The following SALL3 variants were observed in gnomAD, a reference collection of about 807,000 sequenced individuals.
The protein encoded by SALL3 is sal-like protein 3.
In SALL3, 25 loss-of-function variants were observed where a neutral mutation model predicts 66.2. The ratio of observed to expected loss-of-function variants is 0.38; its 90% CI spans 0.28 to 0.53. The LOEUF (loss-of-function observed/expected upper bound fraction) is 0.53. Ranked by LOEUF, SALL3 falls within the 20% of genes least tolerant of loss-of-function variation. The pLI, the probability that SALL3 is intolerant of heterozygous loss-of-function variation, is 0.85. For synonymous variants in SALL3, 1,152 were observed against 899.1 expected (o/e 1.28, Z -5.03); for missense variants, 2,194 against 1,916.5 (o/e 1.14, Z -2.70).
chr18:78,996,139 A>G (rs1419356471), intron 2 of SALL3, among the ~76,000 whole-genome samples: 1 of 152,216 alleles, frequency 6.6e-6, no homozygotes, highest in Non-Finnish European at 1.5e-5. Context: ...CTGGGTGAGA[A>G]GCTCCTGGCG....
At chr18:78,983,513 G>A (rs1273334200) in intron 1 of SALL3, among the ~76,000 whole-genome samples, 2 of 152,022 alleles carry the variant, frequency 1.3e-5, no homozygotes, top group Non-Finnish European at 2.9e-5. Context: ...TTGCTTCAAA[G>A]TGTGTTTTTT....
At position 78,992,805 on chromosome 18, in the gene SALL3, G is replaced by A. The variant is rs1914500378; in HGVS notation, c.814G>A (p.Ala272Thr). Residue 272 changes from alanine to threonine, a missense_variant, in exon 2 of 3, where the codon GCC becomes ACC. By Grantham distance (58) the Ala-to-Thr change is moderately conservative. Transcript: ENST00000537592. ...GCTCCCGCTGTCGGCCGGGGCCCCTGCCGCCGCCATCGCGGGCTCGGGCCC... is the reference window on the plus strand; with the variant it reads ...GCTCCCGCTGTCGGCCGGGGCCCCTACCGCCGCCATCGCGGGCTCGGGCCC... ...AALPLSAGAP[A>T]AAIAGSGPAA... 16 of 981,338 alleles carry A rather than the reference G, an allele frequency of 1.6e-5. 1 individual carries two copies. In the South Asian group the frequency reaches 5.6e-4, roughly 34 times the overall value. The allele number at this position is 981,338 out of a possible 1,614,324, so 60.8% of individuals were successfully genotyped here. A position where few individuals can be genotyped will look rare whatever the true frequency, so the allele number is the denominator to read the frequency against.
intron 1 of SALL3, among the ~76,000 whole-genome samples, chr18:78,980,981 G>GCCTGGC (rs1404359105): frequency 6.6e-6 from 1 of 152,200 alleles, no homozygotes; most frequent in Non-Finnish European, 1.5e-5. Flanking sequence ...GGCGGCCTGG[G>GCCTGGC]CCTGGCCCCT....
At chr18:78,995,669 C>T (rs1315554583) in intron 2 of SALL3, among the ~76,000 whole-genome samples, 1 of 148,742 alleles carries the variant, frequency 6.7e-6, no homozygotes, top group Non-Finnish European at 1.5e-5. Context: ...GGGTGAGTAG[C>T]GTGTACCTAT....
intron 1 of SALL3, among the ~76,000 whole-genome samples, chr18:78,983,350 T>C (rs1362028661): frequency 6.6e-6 from 1 of 152,232 alleles, no homozygotes; most frequent in Non-Finnish European, 1.5e-5. Flanking sequence ...CTAAGAACTT[T>C]AAAAGATACA....
At chr18:78,986,457 C>T (rs1434404076) in intron 1 of SALL3, among the ~76,000 whole-genome samples, 2 of 152,210 alleles carry the variant, frequency 1.3e-5, no homozygotes, top group African/African-American at 4.8e-5. Context: ...CATTGTTAAA[C>T]ACAGTAGGGG....
intron 1 of SALL3, among the ~76,000 whole-genome samples, chr18:78,980,697 C>G (rs1480920685): frequency 7.0e-6 from 1 of 142,260 alleles, no homozygotes; most frequent in African/African-American, 2.6e-5. Flanking sequence ...GCGCCGCCCC[C>G]CAGGGTCTCT....
chr18:78,991,012 C>A (rs1914413534), intron 1 of SALL3, among the ~76,000 whole-genome samples: 1 of 152,120 alleles, frequency 6.6e-6, no homozygotes, highest in Admixed American at 6.5e-5. Flanking sequence ...GAAGTGGCTG[C>A]CTACAACAGT....
rs1178185252 is a variant in SALL3 at position 78,992,551 on chromosome 18, C to T, written c.560C>T (p.Ala187Val). ...AVAQFSQGAR[A>V]AGGSGAGGGV... ...GCGCAGTTCTCGCAGGGCGCGCGCG[C>T]GGCAGGCGGCTCGGGAGCAGGTGGA... is the stretch of plus-strand genomic sequence containing the variant. The change falls in exon 2 of 3, where the codon GCG becomes GTG. Residue 187 changes from alanine (A) to valine (V), a missense_variant. By Grantham distance (64) the Ala-to-Val change is moderately conservative. Transcript: ENST00000537592. 16 of 1,498,284 alleles carry T rather than the reference C, an allele frequency of 1.1e-5. No individual in the cohort carries two copies. The highest frequency in any genetic ancestry group is 2.1e-5 in the Admixed American group (1 of 48,516). 92.8% of individuals were successfully genotyped at this position (1,498,284 alleles called of 1,614,324 possible).
At position 78,993,667 on chromosome 18, in the gene SALL3, C is replaced by T. The variant is rs1356951346; in HGVS notation, c.1676C>T (p.Ala559Val). 6.3e-7 allele frequency: 1 copy of T among 1,588,416 alleles called. No homozygotes were observed. Among genetic ancestry groups the T allele is most frequent in the Admixed American group, 1.7e-5 (1 of 58,950 alleles). Residue 559 changes from alanine to valine, a missense_variant, in exon 2 of 3, where the codon GCC becomes GTC. Coordinates refer to ENST00000537592, the MANE Select transcript of SALL3 (RefSeq NM_171999.4). ...ASRSPQRPSPASSECASLSPG... is the reference protein window; with the variant it reads ...ASRSPQRPSPVSSECASLSPG... ...CGCTCCCCGCAGAGGCCCTCGCCCG[C>T]CTCCAGCGAGTGCGCCTCCTTGTCC...
At chr18:78,985,709 A>G (rs1914225196) in intron 1 of SALL3, among the ~76,000 whole-genome samples, 1 of 152,212 alleles carries the variant, frequency 6.6e-6, no homozygotes, top group Non-Finnish European at 1.5e-5. Flanking sequence ...GTGCCCCTCT[A>G]GAGCTATTTA....
chr18:78,992,443 C>T lies in SALL3; in HGVS notation c.452C>T (p.Ala151Val), dbSNP rs1258136794. ...CGCGCGCCCCGGCCCCCGCCTGCGG[C>T]CCCTGCACCCCCAACGCCCGCCTAC... ...DTRAPRPPPA[A>V]PAPPTPAYGA... The change falls in exon 2 of 3, where the codon GCC (alanine) becomes GTC (valine). Residue 151 changes from alanine to valine, a missense_variant. Physicochemically the swap from Ala to Val is moderately conservative, Grantham distance 64. Transcript: ENST00000537592. The T allele has an allele frequency of 5.0e-5, 70 of 1,400,536 alleles. No homozygotes were observed. The highest frequency in any genetic ancestry group is 6.3e-5 in the Non-Finnish European group (68 of 1,084,344). The allele number at this position is 1,400,536 out of a possible 1,614,324, so 86.8% of individuals were successfully genotyped here.
In SALL3 at chr18:78,979,869, A is replaced by C. The variant is rs1338950574; in HGVS notation, c.-406A>C. ...AAAGTTTGCTGCCTGCGCCCTGCGGAGGGACGGCCACCGCGGCCCGCGCCG... is the reference window on the plus strand; with the variant it reads ...AAAGTTTGCTGCCTGCGCCCTGCGGCGGGACGGCCACCGCGGCCCGCGCCG... On this transcript the variant is annotated 5_prime_UTR_variant, in exon 1 of 3. Transcript: ENST00000537592. Among the ~76,000 whole-genome samples, 3 of 142,482 alleles carry C rather than the reference A, an allele frequency of 2.1e-5. No individual in the cohort carries two copies. The highest frequency in any genetic ancestry group is 3.1e-5 in the Non-Finnish European group (2 of 64,586). 93.5% of individuals were successfully genotyped at this position (142,482 alleles called of 152,430 possible).
intron 1 of SALL3, among the ~76,000 whole-genome samples, chr18:78,984,251 A>G (rs1055500478): frequency 7.9e-5 from 12 of 152,232 alleles, no homozygotes; most frequent in East Asian, 1.9e-4. Context: ...CAGCAAAAGC[A>G]CAACCAGGGT....
intron 1 of SALL3, among the ~76,000 whole-genome samples, chr18:78,988,578 G>C (rs1914322290): frequency 6.6e-6 from 1 of 152,210 alleles, no homozygotes; most frequent in Non-Finnish European, 1.5e-5. Context: ...CATTCTTGAA[G>C]TATGCAGACA....
intron 1 of SALL3, among the ~76,000 whole-genome samples, chr18:78,984,751 G>A (rs1257312194): frequency 6.6e-6 from 1 of 152,154 alleles, no homozygotes; most frequent in Non-Finnish European, 1.5e-5. Context: ...AATATTAATT[G>A]TAATAAAATA....
chr18:78,994,003 T>G lies in SALL3; in HGVS notation c.2012T>G (p.Ile671Ser). The G allele has an allele frequency of 6.2e-7, 1 of 1,612,374 alleles. No individual in the cohort carries two copies. Among genetic ancestry groups the G allele is most frequent in the Non-Finnish European group, 8.5e-7 (1 of 1,179,740 alleles). Residue 671 changes from isoleucine (I) to serine (S), a missense_variant, in exon 2 of 3, where the codon ATC becomes AGC. Ile to Ser is a moderately radical substitution (Grantham distance 142, BLOSUM62 -2). Coordinates refer to ENST00000537592, the MANE Select transcript of SALL3 (RefSeq NM_171999.4). ...AAGCTGCAGCAGCTGGTGGAGAACATCGACAAGAAGATGACGGACCCGAAC... is the reference window on the plus strand; with the variant it reads ...AAGCTGCAGCAGCTGGTGGAGAACAGCGACAAGAAGATGACGGACCCGAAC... ...TSKLQQLVEN[I>S]DKKMTDPNQC...
chr18:78,986,022 G>T (rs923783377), intron 1 of SALL3, among the ~76,000 whole-genome samples: 1 of 152,176 alleles, frequency 6.6e-6, no homozygotes, highest in East Asian at 1.9e-4. Context: ...ATACACACGC[G>T]TTCCTTATAA....
Position 78,992,657 on chromosome 18 carries a change from C to T in SALL3, c.666C>T (p.Leu222=), listed in dbSNP as rs746486499. The change falls in exon 2 of 3, where the codon CTC becomes CTT. Residue 222 remains leucine, a synonymous_variant. Coordinates refer to ENST00000537592, the MANE Select transcript of SALL3 (RefSeq NM_171999.4). The part of the protein sequence containing the change: ...LQQQQIHQLQ[L]IEQIRSQVAL... ...AGCAGCAGATCCACCAGCTGCAGCTCATCGAGCAGATCCGCAGCCAGGTGG... is the reference window on the plus strand; with the variant it reads ...AGCAGCAGATCCACCAGCTGCAGCTTATCGAGCAGATCCGCAGCCAGGTGG... 1.9e-4 allele frequency: 286 copies of T among 1,545,922 alleles called. No individual in the cohort carries two copies. The highest frequency in any genetic ancestry group is 2.4e-4 in the Non-Finnish European group (279 of 1,151,934).
Sources: gnomAD v4.1 joint callset for allele counts (sites outside exome capture counted in the v4.1 genomes callset) on GRCh38, gnomAD v4.1.1 for gene constraint, MANE v1.5 for transcripts, NCBI Gene and HGNC (gene_info 2026-07-23, HGNC 2026-07-21) for gene names.